NEGR1: variants seen among roughly 807,000 people sequenced by gnomAD.
NEGR1 encodes the protein IgLON family member 4.
In NEGR1, 10 loss-of-function variants were observed where a neutral mutation model predicts 40.9. That is an observed-to-expected ratio of 0.24 (90% CI 0.15 to 0.42). The LOEUF (loss-of-function observed/expected upper bound fraction) is 0.42, where lower values mean the gene tolerates loss of function less well. Among genes scored for constraint, NEGR1 ranks in the 10% least tolerant of loss-of-function variants. The probability of loss-of-function intolerance (pLI) is 1.00; values close to 1 mark genes in which losing one functional copy is unlikely to be tolerated. For synonymous variants in NEGR1, 185 were observed against 166.8 expected, an observed-to-expected ratio of 1.11 and a Z score of -0.84; for missense variants, 352 against 438.9, an observed-to-expected ratio of 0.80 and a Z score of 1.77.
intron 2 of NEGR1, among the ~76,000 whole-genome samples, chr1:71,837,438 A>G (rs1659078413): frequency 6.6e-6 from 1 of 152,114 alleles, no homozygotes; most frequent in Non-Finnish European, 1.5e-5. Context: ...AATAACTTGA[A>G]CACTGACATG....
At chr1:72,105,289 T>A (rs1450841010) in intron 1 of NEGR1, among the ~76,000 whole-genome samples, 1 of 152,084 alleles carries the variant, frequency 6.6e-6, no homozygotes, top group Non-Finnish European at 1.5e-5. Context: ...TACATGAATT[T>A]TTAAGAGATG....
In NEGR1 at chr1:71,487,471, T is replaced by C. The variant is rs1370107476; in HGVS notation, c.941-79901A>G. Among the ~76,000 whole-genome samples the C allele has an allele frequency of 2.6e-5, 4 of 151,688 alleles. No individual in the cohort carries two copies. In the South Asian group the frequency reaches 6.2e-4, roughly 24 times the overall value. ...AGAGTTTCATGCCTTTTACACATTG[T>C]TATTCTAAATTCCACGAGTCATTTA... On this transcript the variant is annotated intron_variant, in intron 6 of 6. Coordinates refer to ENST00000357731, the MANE Select transcript of NEGR1 (RefSeq NM_173808.3).
At chr1:71,450,364 C>T (rs1372748924) in intron 6 of NEGR1, among the ~76,000 whole-genome samples, 1 of 150,152 alleles carries the variant, frequency 6.7e-6, no homozygotes, top group Non-Finnish European at 1.5e-5. Context: ...CAGCAATGTG[C>T]AGTATTACAA....
In NEGR1 at chr1:71,474,093, A is replaced by G. The variant is rs12034211; in HGVS notation, c.941-66523T>C. ...AACTATCATTCAAAAATCCTGGACA[A>G]ATTTCCAGGCATACCTAGGGTAAGA... On this transcript the variant is annotated intron_variant, in intron 6 of 6. Transcript: ENST00000357731. 4.0e-3 allele frequency among the ~76,000 whole-genome samples: 604 copies of G among 152,110 alleles called. 10 individuals carry two copies. The highest frequency in any genetic ancestry group is 0.036 in the East Asian group (184 of 5,136).
chr1:71,543,703 G>T (rs1292278708), intron 6 of NEGR1, among the ~76,000 whole-genome samples: 2 of 151,634 alleles, frequency 1.3e-5, no homozygotes, highest in African/African-American at 2.4e-5. Context: ...TCTAGGTTTT[G>T]CTTGGTCTAG....
intron 6 of NEGR1, among the ~76,000 whole-genome samples, chr1:71,559,833 G>A (rs556050131): frequency 3.7e-4 from 31 of 84,538 alleles, no homozygotes; most frequent in South Asian, 6.8e-4. Flanking sequence ...TTATCATTCT[G>A]GTAAAAAAAA....
chr1:71,541,955 T>C (rs963081704), intron 6 of NEGR1, among the ~76,000 whole-genome samples: 1 of 151,802 alleles, frequency 6.6e-6, no homozygotes, highest in African/African-American at 2.4e-5. Flanking sequence ...GTATTCCATT[T>C]TCCTGACACT....
intron 2 of NEGR1, among the ~76,000 whole-genome samples, chr1:71,933,646 C>G (rs1166809912): frequency 6.6e-6 from 1 of 151,996 alleles, no homozygotes; most frequent in Non-Finnish European, 1.5e-5. Context: ...CTCCCACCCT[C>G]TGGAGTCCCT....
At chr1:71,791,463 A>G (rs1253407821) in intron 2 of NEGR1, among the ~76,000 whole-genome samples, 1 of 152,076 alleles carries the variant, frequency 6.6e-6, no homozygotes, top group East Asian at 1.9e-4. Flanking sequence ...AGAGCATGGA[A>G]ATTGGCAAAT....
intron 2 of NEGR1, among the ~76,000 whole-genome samples, chr1:71,923,575 A>G (rs1026030963): frequency 6.6e-6 from 1 of 152,182 alleles, no homozygotes; most frequent in African/African-American, 2.4e-5. Flanking sequence ...AAACAACACA[A>G]GTGTATCTTA....
chr1:71,428,787 A>C (rs1316129101), intron 6 of NEGR1, among the ~76,000 whole-genome samples: 1 of 151,844 alleles, frequency 6.6e-6, no homozygotes, highest in African/African-American at 2.4e-5. Context: ...GATTTAACCC[A>C]GTCTATGAAG....
intron 6 of NEGR1, among the ~76,000 whole-genome samples, chr1:71,586,368 A>G (rs1235658853): frequency 6.6e-6 from 1 of 152,188 alleles, no homozygotes; most frequent in Non-Finnish European, 1.5e-5. Flanking sequence ...TGTGATGGGT[A>G]GGAAAATAAG....
chr1:71,805,179 T>A (rs151084160), intron 2 of NEGR1, among the ~76,000 whole-genome samples: 48 of 152,306 alleles, frequency 3.2e-4, no homozygotes, highest in Admixed American at 6.5e-4. Flanking sequence ...AAGATGTTAT[T>A]AATGACAATG....
rs190788451 is a variant in NEGR1 at position 71,405,061 on chromosome 1, A to G, written c.*2385T>C. The G allele has an allele frequency of 2.6e-5, 4 of 152,276 alleles. No individual in the cohort carries two copies. The East Asian group carries it at 7.7e-4, about 29-fold the overall frequency. The allele number at this position is 152,276 out of a possible 1,614,324, so 9.4% of individuals were successfully genotyped here. A position where few individuals can be genotyped will look rare whatever the true frequency, so the allele number is the denominator to read the frequency against. On this transcript the variant is annotated 3_prime_UTR_variant, in exon 7 of 7. Transcript: ENST00000357731. ...CATAGTGAATACCTCCTCTATTTAA[A>G]AATGTCACTCAAGAAAGTCTCTTCT...
At chr1:71,602,213 C>T (rs1361643530) in intron 5 of NEGR1, among the ~76,000 whole-genome samples, 4 of 147,764 alleles carry the variant, frequency 2.7e-5, no homozygotes, top group Non-Finnish European at 3.0e-5. Context: ...ACATTGATCA[C>T]GTTCTTCTCT....
chr1:72,137,413 C>A (rs1650508933), intron 1 of NEGR1, among the ~76,000 whole-genome samples: 1 of 152,028 alleles, frequency 6.6e-6, no homozygotes, highest in African/African-American at 2.4e-5. Flanking sequence ...TACTATGCAG[C>A]CATAAAAAAG....
At chr1:72,210,182 T>C (rs1653549904) in intron 1 of NEGR1, among the ~76,000 whole-genome samples, 1 of 151,858 alleles carries the variant, frequency 6.6e-6, no homozygotes, top group South Asian at 2.1e-4. Context: ...CATAAATAGT[T>C]TGAGATCTTG....
At chr1:71,935,345 A>T in intron 1 of NEGR1, 34 bp from the exon 2 acceptor site, 1 of 1,386,156 alleles carries the variant, frequency 7.2e-7, no homozygotes, top group Non-Finnish European at 1.0e-6. Context: ...ACTATTAATC[A>T]AAATAAAAAT....
intron 3 of NEGR1, among the ~76,000 whole-genome samples, chr1:71,750,780 T>C (rs1477115394): frequency 1.3e-5 from 2 of 152,206 alleles, no homozygotes; most frequent in African/African-American, 4.8e-5. Context: ...CTTAATCATT[T>C]ATATTTTTAA....
Sources: gnomAD v4.1 joint callset for allele counts (sites outside exome capture counted in the v4.1 genomes callset) on GRCh38, gnomAD v4.1.1 for gene constraint, MANE v1.5 for transcripts, NCBI Gene and HGNC (gene_info 2026-07-23, HGNC 2026-07-21) for gene names.